CHST9: variants seen among roughly 807,000 people sequenced by gnomAD.
CHST9 encodes the protein GalNAc-4-sulfotransferase 2.
In CHST9, 41 loss-of-function variants were observed where a neutral mutation model predicts 44.4. The ratio of observed to expected loss-of-function variants is 0.92; its 90% CI spans 0.72 to 1.20. CHST9 has a LOEUF of 1.20. Among genes scored for constraint, CHST9 ranks in the 50% most tolerant of loss-of-function variants. The probability of loss-of-function intolerance (pLI) is 0.00; values close to 1 mark genes in which losing one functional copy is unlikely to be tolerated. For synonymous variants in CHST9, 171 were observed against 178.4 expected, an observed-to-expected ratio of 0.96 and a Z score of 0.33; for missense variants, 504 against 516.5, an observed-to-expected ratio of 0.98 and a Z score of 0.23.
In CHST9 at chr18:26,915,725, T is replaced by G. The variant is rs2055506949; in HGVS notation, c.*534A>C. The G allele has an allele frequency of 6.6e-6, 1 of 152,362 alleles. No individual in the cohort carries two copies. Among genetic ancestry groups the G allele is most frequent in the South Asian group, 2.1e-4 (1 of 4,842 alleles). The allele number at this position is 152,362 out of a possible 1,614,324, so 9.4% of individuals were successfully genotyped here. A position where few individuals can be genotyped will look rare whatever the true frequency, so the allele number is the denominator to read the frequency against. On this transcript the variant is annotated 3_prime_UTR_variant, in exon 6 of 6. Coordinates refer to ENST00000618847, the MANE Select transcript of CHST9 (RefSeq NM_031422.6). Reference sequence around the variant, plus strand: ...GTTTTTCTGCTATATTCTCATATTGTAAATCACATAATGCCTTCCAATCTA... The same window carrying G: ...GTTTTTCTGCTATATTCTCATATTGGAAATCACATAATGCCTTCCAATCTA...
intron 2 of CHST9, among the ~76,000 whole-genome samples, chr18:27,068,006 A>G (rs578232402): frequency 2.6e-5 from 4 of 152,256 alleles, no homozygotes; most frequent in African/African-American, 7.2e-5. Context: ...CCCTTCCTCA[A>G]CTTTCACTGT....
chr18:27,057,350 T>A (rs2057668506), intron 2 of CHST9, among the ~76,000 whole-genome samples: 1 of 152,240 alleles, frequency 6.6e-6, no homozygotes, highest in South Asian at 2.1e-4. Context: ...GAAGTCTACA[T>A]AAAACTGTAG....
At chr18:26,938,423 G>A (rs2068906522) in intron 5 of CHST9, among the ~76,000 whole-genome samples, 1 of 152,172 alleles carries the variant, frequency 6.6e-6, no homozygotes, top group Non-Finnish European at 1.5e-5. Flanking sequence ...TCTCAATTCT[G>A]AAGGTAATCT....
rs139022767 is a variant in CHST9 at position 27,159,724 on chromosome 18, A to G, written c.-96-16819T>C. ...CAGTATGGCCTTCTTCACGATATTG[A>G]GTCTTCCTACCCATGAGCATGGAAT... On this transcript the variant is annotated intron_variant, in intron 1 of 5. Coordinates refer to ENST00000618847, the MANE Select transcript of CHST9 (RefSeq NM_031422.6). 5.4e-3 allele frequency among the ~76,000 whole-genome samples: 824 copies of G among 152,272 alleles called. 10 individuals carry two copies. The highest frequency in any genetic ancestry group is 0.019 in the African/African-American group (784 of 41,554).
chr18:27,093,321 T>G (rs1294002836), intron 2 of CHST9, among the ~76,000 whole-genome samples: 1 of 152,242 alleles, frequency 6.6e-6, no homozygotes, highest in Non-Finnish European at 1.5e-5. Context: ...AGTTGTTTGC[T>G]GTCTTTTGTT....
intron 2 of CHST9, among the ~76,000 whole-genome samples, chr18:27,128,933 C>CATTGAATT (rs2058448500): frequency 6.6e-6 from 1 of 152,150 alleles, no homozygotes; most frequent in Non-Finnish European, 1.5e-5. Flanking sequence ...CATTTCTTTC[C>CATTGAATT]ATTGAATTCC....
In CHST9 at chr18:27,165,424, T is replaced by C. The variant is rs568604126; in HGVS notation, c.-97+19712A>G. ...TCACTATAATGGAAGAATAGGAGGG[T>C]TGGAAGGACCAGGACATACATGCAT... On this transcript the variant is annotated intron_variant, in intron 1 of 5. Coordinates refer to ENST00000618847, the MANE Select transcript of CHST9 (RefSeq NM_031422.6). Among the ~76,000 whole-genome samples the C allele has an allele frequency of 2.6e-5, 4 of 152,152 alleles. No homozygotes were observed. In the South Asian group the frequency reaches 8.3e-4, roughly 32 times the overall value.
intron 4 of CHST9, among the ~76,000 whole-genome samples, chr18:27,010,787 G>A (rs996856583): frequency 6.6e-6 from 1 of 152,278 alleles, no homozygotes. Context: ...ATCTGATTGG[G>A]AATTTCCTGA....
intron 3 of CHST9, among the ~76,000 whole-genome samples, chr18:27,046,226 C>T (rs1170114379): frequency 6.6e-6 from 1 of 151,906 alleles, no homozygotes; most frequent in Admixed American, 6.6e-5. Context: ...TTATTTCTTA[C>T]CCTGAATAAA....
chr18:27,041,285 C>T (rs555933084), intron 3 of CHST9, among the ~76,000 whole-genome samples: 2 of 152,000 alleles, frequency 1.3e-5, no homozygotes, highest in African/African-American at 2.4e-5. Flanking sequence ...GTTTGTAATA[C>T]CATATTTAAT....
chr18:27,119,577 C>T (rs777632443), intron 2 of CHST9, among the ~76,000 whole-genome samples: 48 of 151,892 alleles, frequency 3.2e-4, no homozygotes, highest in Admixed American at 3.9e-4. Context: ...ATTTTCACAG[C>T]TTAAGCCTCT....
chr18:26,949,703 G>A (rs1598586316), intron 4 of CHST9, among the ~76,000 whole-genome samples: 1 of 152,108 alleles, frequency 6.6e-6, no homozygotes, highest in South Asian at 2.1e-4. Context: ...CTGTGAATAC[G>A]GGACCTTTCA....
rs1175416540 is a variant in CHST9, at chr18:26,913,156, T to C, written c.*3103A>G. ...CTTATATATACCTTCTGCTAAATACTATACATTTTAGGAGATAAGAATAAT... is the reference window on the plus strand; with the variant it reads ...CTTATATATACCTTCTGCTAAATACCATACATTTTAGGAGATAAGAATAAT... On this transcript the variant is annotated 3_prime_UTR_variant, in exon 6 of 6. Transcript: ENST00000618847. 6.6e-6 allele frequency: 1 copy of C among 152,206 alleles called. No individual in the cohort carries two copies. The highest frequency in any genetic ancestry group is 2.4e-5 in the African/African-American group (1 of 41,436). 9.4% of individuals were successfully genotyped at this position (152,206 alleles called of 1,614,324 possible). A position where few individuals can be genotyped will look rare whatever the true frequency, so the allele number is the denominator to read the frequency against.
chr18:27,103,503 A>G (rs1177302203), intron 2 of CHST9, among the ~76,000 whole-genome samples: 4 of 152,220 alleles, frequency 2.6e-5, no homozygotes, highest in Non-Finnish European at 5.9e-5. Context: ...CTACTCTAAG[A>G]AAAAACAATG....
intron 1 of CHST9, among the ~76,000 whole-genome samples, chr18:27,167,510 G>C (rs529734341): frequency 6.6e-6 from 1 of 152,256 alleles, no homozygotes; most frequent in South Asian, 2.1e-4. Context: ...TCTTCTTGGA[G>C]TTACTCTAGC....
intron 1 of CHST9, among the ~76,000 whole-genome samples, chr18:27,160,455 T>A (rs1191796277): frequency 6.6e-6 from 1 of 152,284 alleles, no homozygotes; most frequent in Middle Eastern, 3.4e-3. Flanking sequence ...TCCCAGGGGT[T>A]AAGCCCACTT....
At chr18:26,944,130 G>A (rs1031651757) in intron 5 of CHST9, among the ~76,000 whole-genome samples, 199 bp downstream of exon 5, 20 of 152,156 alleles carry the variant, frequency 1.3e-4, no homozygotes, top group African/African-American at 4.6e-4. Context: ...TGGTTGGGAA[G>A]GACTTGGCTT....
chr18:27,011,323 G>A (rs2057081536), intron 4 of CHST9, among the ~76,000 whole-genome samples: 1 of 152,192 alleles, frequency 6.6e-6, no homozygotes, highest in South Asian at 2.1e-4. Flanking sequence ...GCTCATTGGT[G>A]TAAACAGACA....
At chr18:27,184,974 AG>A (rs2058944314) in intron 1 of CHST9, among the ~76,000 whole-genome samples, 161 bp downstream of exon 1, 2 of 152,098 alleles carry the variant, frequency 1.3e-5, no homozygotes, top group Admixed American at 1.3e-4. Flanking sequence ...AGATAGAAAA[AG>A]GAAGAAGCCT....
Sources: allele counts gnomAD v4.1 joint callset (sites outside exome capture counted in the v4.1 genomes callset), GRCh38; gene constraint gnomAD v4.1.1; transcripts MANE v1.5; gene names NCBI Gene and HGNC (gene_info 2026-07-23, HGNC 2026-07-21).